The following DISP1 variants were observed in gnomAD, a reference collection of about 807,000 sequenced individuals.
DISP1 encodes protein dispatched homolog 1.
DISP1 carries 30 observed loss-of-function variants against 37.3 expected under a neutral mutation model. The observed-to-expected ratio is 0.80, with a 90% confidence interval of 0.60 to 1.09. DISP1 has a LOEUF of 1.09. Among genes scored for constraint, DISP1 ranks in the 50% least tolerant of loss-of-function variants. DISP1 has a pLI of 0.00. For synonymous variants in DISP1, 634 were observed against 690.2 expected (o/e 0.92, Z 1.28); for missense variants, 1,598 against 1,879.5 (o/e 0.85, Z 2.77).
chr1:222,975,956 G>A (rs1199486304), intron 3 of DISP1, among the ~76,000 whole-genome samples: 1 of 151,990 alleles, frequency 6.6e-6, no homozygotes, highest in Non-Finnish European at 1.5e-5. Context: ...GAGGACCCAA[G>A]CTTATCTACA....
At chr1:222,903,407 C>T (rs952356432) in intron 1 of DISP1, among the ~76,000 whole-genome samples, 2 of 150,740 alleles carry the variant, frequency 1.3e-5, no homozygotes, top group African/African-American at 2.4e-5. Flanking sequence ...ATGTAACTAA[C>T]CTGCACATTG....
intron 4 of DISP1, among the ~76,000 whole-genome samples, chr1:222,985,604 C>T (rs1182673476): frequency 2.0e-5 from 3 of 152,014 alleles, no homozygotes; most frequent in East Asian, 1.9e-4. Flanking sequence ...GAGCCAAGAT[C>T]GTGCCACTGC....
rs188047619 is a variant in DISP1 at position 222,853,242 on chromosome 1, A to G, written c.-159+38164A>G. Among the ~76,000 whole-genome samples, 66 of 152,322 alleles carry G rather than the reference A, an allele frequency of 4.3e-4. 1 individual carries two copies. The highest frequency in any genetic ancestry group is 3.9e-3 in the Admixed American group (60 of 15,304). On this transcript the variant is annotated intron_variant, in intron 1 of 8. Transcript: ENST00000675850. ...CGTTAGGATGGCTGTTATGAAAAGGATAAAAAATAACAAATGCTGGTGGAG... is the reference window on the plus strand; with the variant it reads ...CGTTAGGATGGCTGTTATGAAAAGGGTAAAAAATAACAAATGCTGGTGGAG...
At chr1:222,976,513 A>T (rs978057362) in intron 3 of DISP1, among the ~76,000 whole-genome samples, 1 of 151,950 alleles carries the variant, frequency 6.6e-6, no homozygotes, top group African/African-American at 2.4e-5. Flanking sequence ...CTTCAGAGGG[A>T]TCTAATGTTT....
At position 222,969,370 on chromosome 1, in the gene DISP1, CA is replaced by C. The variant is rs71178518; in HGVS notation, c.510-13693del. Among the ~76,000 whole-genome samples the C allele has an allele frequency of 1.1e-3, 32 of 29,876 alleles. 2 individuals carry two copies. In the East Asian group the frequency reaches 0.023, roughly 21 times the overall value. 19.6% of individuals were successfully genotyped at this position (29,876 alleles called of 152,430 possible). On this transcript the variant is annotated intron_variant, in intron 3 of 8. Transcript: ENST00000675850. ...GGGCAAAAAGAGTGAAACTTGGTCT[CA>C]AAAAAAAAAAAAAAAATTACAAAGA...
Position 222,950,595 on chromosome 1 carries a change from G to A in DISP1, c.509+7263G>A, listed in dbSNP as rs114854010. Reference sequence around the variant, plus strand: ...GGCCTCGAGGACAGAGCGAGACTCCGTCTCAAAAAAAAAAAACCCATGTGA... The same window carrying A: ...GGCCTCGAGGACAGAGCGAGACTCCATCTCAAAAAAAAAAAACCCATGTGA... On this transcript the variant is annotated intron_variant, in intron 3 of 8. Transcript: ENST00000675850. Among the ~76,000 whole-genome samples the A allele has an allele frequency of 3.9e-3, 585 of 149,342 alleles. 2 individuals carry two copies. The highest frequency in any genetic ancestry group is 6.9e-3 in the Middle Eastern group (2 of 290).
intron 2 of DISP1, among the ~76,000 whole-genome samples, chr1:222,931,294 T>A (rs1177679045): frequency 6.6e-6 from 1 of 151,918 alleles, no homozygotes; most frequent in Non-Finnish European, 1.5e-5. Context: ...ATGTTTTTTT[T>A]TTTTCCTTTG....
intron 1 of DISP1, among the ~76,000 whole-genome samples, chr1:222,882,807 T>C (rs1004172589): frequency 1.3e-5 from 2 of 152,166 alleles, no homozygotes; most frequent in African/African-American, 4.8e-5. Flanking sequence ...ACAATTAAGA[T>C]TATATTAAAT....
intron 1 of DISP1, among the ~76,000 whole-genome samples, chr1:222,830,458 G>A (rs1225872033): frequency 6.6e-6 from 1 of 151,582 alleles, no homozygotes; most frequent in African/African-American, 2.4e-5. Context: ...TCGGCTCCCT[G>A]CAATCTCCAC....
rs79375255 is a variant in DISP1, at chr1:222,938,391, C to T, written c.-17-4416C>T. 7.5e-3 allele frequency among the ~76,000 whole-genome samples: 1,134 copies of T among 152,096 alleles called. 9 individuals are homozygous for T. The highest frequency in any genetic ancestry group is 0.026 in the South Asian group (127 of 4,816). On this transcript the variant is annotated intron_variant, in intron 2 of 8. Coordinates refer to ENST00000675850, the MANE Select transcript of DISP1 (RefSeq NM_001377229.1). Reference sequence around the variant, plus strand: ...ATCTTATTCTTCTTTCCTGTTAGTTCCCTCCGTCTTAGGCTCAGACTGGAT... The same window carrying T: ...ATCTTATTCTTCTTTCCTGTTAGTTTCCTCCGTCTTAGGCTCAGACTGGAT...
intron 3 of DISP1, among the ~76,000 whole-genome samples, chr1:222,962,536 A>C (rs1370263486): frequency 6.6e-6 from 1 of 152,222 alleles, no homozygotes; most frequent in Non-Finnish European, 1.5e-5. Flanking sequence ...ACTTTACCAC[A>C]AGGCTACAGT....
At chr1:222,816,527 TACAGGTA>T (rs1266354230) in intron 1 of DISP1, among the ~76,000 whole-genome samples, 1 of 152,242 alleles carries the variant, frequency 6.6e-6, no homozygotes, top group East Asian at 1.9e-4. Context: ...ACTGTATTAG[TACAGGTA>T]ACTTTTAGAT....
chr1:222,969,880 C>T (rs1676808704), intron 3 of DISP1, among the ~76,000 whole-genome samples: 1 of 151,802 alleles, frequency 6.6e-6, no homozygotes. Context: ...AGAAAACAAA[C>T]CAACATTAAT....
At chr1:222,904,915 T>C (rs1339778205) in intron 1 of DISP1, among the ~76,000 whole-genome samples, 2 of 152,204 alleles carry the variant, frequency 1.3e-5, no homozygotes, top group African/African-American at 4.8e-5. Context: ...TTTTGGAATA[T>C]TTTTACTTTC....
chr1:222,960,192 G>T (rs1009515626), intron 3 of DISP1, among the ~76,000 whole-genome samples: 2 of 152,140 alleles, frequency 1.3e-5, no homozygotes, highest in African/African-American at 4.8e-5. Flanking sequence ...GTGCCACATG[G>T]CACTTTTTCT....
intron 3 of DISP1, among the ~76,000 whole-genome samples, chr1:222,964,390 C>A (rs949401214): frequency 3.9e-5 from 6 of 151,990 alleles, no homozygotes; most frequent in Non-Finnish European, 8.8e-5. Context: ...TGATTCGAAG[C>A]CTTCCTCTTA....
intron 1 of DISP1, among the ~76,000 whole-genome samples, chr1:222,886,053 T>A (rs1670581073): frequency 1.3e-5 from 2 of 152,178 alleles, no homozygotes; most frequent in African/African-American, 4.8e-5. Context: ...GCTTAAACTA[T>A]GTATATAATG....
At chr1:222,815,675 T>C (rs559282400) in intron 1 of DISP1, among the ~76,000 whole-genome samples, 4 of 151,630 alleles carry the variant, frequency 2.6e-5, no homozygotes, top group African/African-American at 9.7e-5. Flanking sequence ...TGTATATTCC[T>C]AGGGACCGCT....
rs1044327476 is a variant in DISP1, at chr1:222,959,142, G to A, written c.509+15810G>A. ...TGTAATTATGAACACTCTTCCCTGA[G>A]TATAAAGAATTTTTTAAAATTATGA... On this transcript the variant is annotated intron_variant, in intron 3 of 8. Transcript: ENST00000675850. Among the ~76,000 whole-genome samples, 9 of 152,048 alleles carry A rather than the reference G, an allele frequency of 5.9e-5. No individual in the cohort carries two copies. The South Asian group carries it at 1.2e-3, about 21-fold the overall frequency.
Sources: allele counts gnomAD v4.1 joint callset (sites outside exome capture counted in the v4.1 genomes callset), GRCh38; gene constraint gnomAD v4.1.1; transcripts MANE v1.5; gene names NCBI Gene and HGNC (gene_info 2026-07-23, HGNC 2026-07-21).